Variants in MAPK10 observed in about 807,000 individuals in gnomAD.
MAPK10 encodes the protein JNK3 alpha protein kinase.
A neutral mutation model predicts 59.3 loss-of-function variants in MAPK10; 25 were observed. The observed-to-expected ratio is 0.42, with a 90% CI of 0.31 to 0.59. The LOEUF (loss-of-function observed/expected upper bound fraction) is 0.59. Ranked by LOEUF, MAPK10 falls within the 20% of genes least tolerant of loss-of-function variation. MAPK10 has a pLI of 0.15. For synonymous variants in MAPK10, 190 were observed against 200.5 expected, an observed-to-expected ratio of 0.95 and a Z score of 0.44; for missense variants, 351 against 568.9, an observed-to-expected ratio of 0.62 and a Z score of 3.90.
intron 4 of MAPK10, among the ~76,000 whole-genome samples, chr4:86,113,865 C>T (rs965985823): frequency 9.9e-5 from 15 of 152,144 alleles, no homozygotes; most frequent in African/African-American, 2.9e-4. Context: ...GTCATATGTT[C>T]GGTCTTTTTA....
At chr4:86,467,721 C>T (rs1320736993) in intron 1 of MAPK10, among the ~76,000 whole-genome samples, 5 of 152,104 alleles carry the variant, frequency 3.3e-5, no homozygotes, top group Non-Finnish European at 7.3e-5. Flanking sequence ...GGTTTCACCA[C>T]GTTGGCCAGG....
At chr4:86,413,463 A>G (rs1416994525) in intron 1 of MAPK10, among the ~76,000 whole-genome samples, 1 of 152,220 alleles carries the variant, frequency 6.6e-6, no homozygotes, top group Non-Finnish European at 1.5e-5. Flanking sequence ...GGGACATTTA[A>G]GTCTGCAGAA....
intron 1 of MAPK10, among the ~76,000 whole-genome samples, chr4:86,355,250 T>A (rs181669211): frequency 3.9e-4 from 59 of 152,172 alleles, no homozygotes; most frequent in Admixed American, 3.1e-3. Context: ...AAACCATAAG[T>A]TTTTATTTCT....
intron 11 of MAPK10, among the ~76,000 whole-genome samples, chr4:86,052,206 T>G (rs1177363109): frequency 6.6e-6 from 1 of 152,198 alleles, no homozygotes; most frequent in Non-Finnish European, 1.5e-5. Context: ...TGAAAGAGCA[T>G]TTTAATACAA....
In MAPK10 at chr4:86,099,862, T is replaced by A. The variant is rs570107870; in HGVS notation, c.730+1190A>T. The A allele has an allele frequency of 8.5e-5, 13 of 152,290 alleles. No homozygotes were observed. The East Asian group carries it at 2.3e-3, about 27-fold the overall frequency. 9.4% of individuals were successfully genotyped at this position (152,290 alleles called of 1,614,324 possible). On this transcript the variant is annotated intron_variant, in intron 8 of 13. Transcript: ENST00000641462. ...TTTTCTGAATAAATTAGATGTGGTA[T>A]TGCCTAGCAAGGAGGGCTAGATTCA...
At chr4:86,465,769 G>A (rs1752145116) in intron 1 of MAPK10, among the ~76,000 whole-genome samples, 1 of 152,164 alleles carries the variant, frequency 6.6e-6, no homozygotes, top group South Asian at 2.1e-4. Context: ...GAGATTCCGG[G>A]AGGATCCTGA....
chr4:86,324,914 A>G (rs2095987280), intron 2 of MAPK10, among the ~76,000 whole-genome samples: 1 of 152,178 alleles, frequency 6.6e-6, no homozygotes, highest in East Asian at 1.9e-4. Flanking sequence ...AAACTTGTCC[A>G]TTTCAATATT....
upstream of MAPK10, among the ~76,000 whole-genome samples, chr4:86,454,434 C>T (rs536920294): frequency 2.2e-4 from 34 of 152,078 alleles, no homozygotes; most frequent in Non-Finnish European, 4.4e-4. Context: ...ATCAAAACTT[C>T]GGGAAACAAT....
intron 1 of MAPK10, among the ~76,000 whole-genome samples, chr4:86,379,538 C>A (rs1187992377): frequency 6.6e-6 from 1 of 152,140 alleles, no homozygotes; most frequent in Non-Finnish European, 1.5e-5. Flanking sequence ...TGTGGGTTTA[C>A]CGGAATGAGG....
At chr4:86,555,336 C>T (rs773623764) in intron 1 of MAPK10, among the ~76,000 whole-genome samples, 13 of 152,166 alleles carry the variant, frequency 8.5e-5, no homozygotes, top group Admixed American at 2.6e-4. Context: ...GTCCCAGCTA[C>T]TCTGGAGGCT....
intron 1 of MAPK10, among the ~76,000 whole-genome samples, chr4:86,588,488 G>A (rs1172802293): frequency 3.9e-5 from 6 of 151,926 alleles, no homozygotes; most frequent in African/African-American, 1.5e-4. Flanking sequence ...CATACTATAT[G>A]GCAACTTGAT....
intron 2 of MAPK10, among the ~76,000 whole-genome samples, chr4:86,196,009 A>C (rs1361839943): frequency 6.6e-6 from 1 of 152,178 alleles, no homozygotes; most frequent in Non-Finnish European, 1.5e-5. Flanking sequence ...TGCTATTGTG[A>C]ACAGTGCTGC....
chr4:86,040,359 G>A (rs1353079459), intron 11 of MAPK10, among the ~76,000 whole-genome samples: 1 of 152,022 alleles, frequency 6.6e-6, no homozygotes, highest in Non-Finnish European at 1.5e-5. Context: ...CGAATATAAT[G>A]AATGAATGAA....
rs1221790788 is a variant in MAPK10, at chr4:86,012,103, C to T, written c.*5125G>A. 1 of 152,098 alleles carries T rather than the reference C, an allele frequency of 6.6e-6. No homozygotes were observed. Among genetic ancestry groups the T allele is most frequent in the African/African-American group, 2.4e-5 (1 of 41,428 alleles). The allele number at this position is 152,098 out of a possible 1,614,324, so 9.4% of individuals were successfully genotyped here. A position where few individuals can be genotyped will look rare whatever the true frequency, so the allele number is the denominator to read the frequency against. ...CCCTGCTCTACTTACCTAATGCCCC[C>T]CCAAAAGATGATCTTTTTTTTCTTC... is the stretch of plus-strand genomic sequence containing the variant. On this transcript the variant is annotated 3_prime_UTR_variant, in exon 14 of 14. Transcript: ENST00000641462.
intron 4 of MAPK10, among the ~76,000 whole-genome samples, chr4:86,108,701 A>T (rs766950221): frequency 4.6e-5 from 7 of 152,154 alleles, no homozygotes; most frequent in African/African-American, 9.7e-5. Flanking sequence ...TGAGAATAGA[A>T]ATGCCATCAT....
intron 1 of MAPK10, among the ~76,000 whole-genome samples, chr4:86,380,370 G>A (rs1423967083): frequency 1.3e-5 from 2 of 152,182 alleles, no homozygotes; most frequent in Non-Finnish European, 2.9e-5. Flanking sequence ...GCACTCCTCT[G>A]GAGATACAGT....
At chr4:86,211,307 A>T in intron 2 of MAPK10, among the ~76,000 whole-genome samples, 1 of 151,154 alleles carries the variant, frequency 6.6e-6, no homozygotes, top group East Asian at 1.9e-4. Context: ...AGCCAAAGAC[A>T]AAGAGAGAAT....
At chr4:86,521,794 T>G (rs1355334172) in intron 1 of MAPK10, among the ~76,000 whole-genome samples, 2 of 152,116 alleles carry the variant, frequency 1.3e-5, no homozygotes, top group Non-Finnish European at 2.9e-5. Flanking sequence ...AGCTGTGGCT[T>G]GTATACTTGT....
At chr4:86,400,150 T>G (rs1244511071) in intron 1 of MAPK10, among the ~76,000 whole-genome samples, 1 of 152,218 alleles carries the variant, frequency 6.6e-6, no homozygotes, top group Non-Finnish European at 1.5e-5. Context: ...ATCATTATTT[T>G]GCTACTGCAT....
Sources: allele counts gnomAD v4.1 joint callset (sites outside exome capture counted in the v4.1 genomes callset), GRCh38; gene constraint gnomAD v4.1.1; transcripts MANE v1.5; gene names NCBI Gene and HGNC (gene_info 2026-07-23, HGNC 2026-07-21).